Variants in RBM27 observed in about 807,000 individuals in gnomAD.
RBM27 encodes RNA binding motif protein 27.
A neutral mutation model predicts 135.3 loss-of-function variants in RBM27; 22 were observed. That is an observed-to-expected ratio of 0.16 (90% CI 0.12 to 0.23). RBM27 has a LOEUF of 0.23. Ranked by LOEUF, RBM27 falls within the 10% of genes least tolerant of loss-of-function variation. The pLI is 1.00. For missense variants in RBM27, 1,009 were observed against 1,281.0 expected (o/e 0.79, Z 3.24); for synonymous variants, 481 against 442.4 (o/e 1.09, Z -1.10).
intron 7 of RBM27, 133 bp from the exon 8 acceptor site, chr5:146,237,165 C>T: frequency 2.0e-6 from 2 of 1,007,768 alleles, no homozygotes; most frequent in Non-Finnish European, 1.5e-6. Context: ...TCTCGAACTC[C>T]TGACCTCAGG....
At chr5:146,261,449 G>A in intron 12 of RBM27, 61 bp from the exon 13 acceptor site, 2 of 1,384,060 alleles carry the variant, frequency 1.4e-6, no homozygotes, top group East Asian at 2.3e-5. Context: ...ATAGCAGTGG[G>A]TCATAATTTA....
rs748546508 is a variant in RBM27 at position 146,251,693 on chromosome 5, C to G, written c.1280-18C>G. 1 of 1,589,840 alleles carries G rather than the reference C, an allele frequency of 6.3e-7. No homozygotes were observed. The highest frequency in any genetic ancestry group is 2.2e-5 in the East Asian group (1 of 44,566). ...GTGACTCTCATTCCCAGCTGCCCTC[C>G]TATTCTTTCCTCTATAGGACAGCCC... On this transcript the variant is annotated intron_variant, in intron 8 of 20. Coordinates refer to ENST00000265271, the MANE Select transcript of RBM27 (RefSeq NM_018989.2).
intron 6 of RBM27, among the ~76,000 whole-genome samples, chr5:146,232,722 C>G (rs1304855590): frequency 2.0e-5 from 3 of 152,154 alleles, no homozygotes; most frequent in African/African-American, 7.2e-5. Context: ...GCGCGTGCCA[C>G]CACGCCCAGC....
intron 1 of RBM27, among the ~76,000 whole-genome samples, chr5:146,216,119 C>T (rs910322929): frequency 1.3e-5 from 2 of 151,964 alleles, no homozygotes; most frequent in African/African-American, 4.8e-5. Context: ...TGCAGTGGCA[C>T]AATCTCGGCT....
rs1370744111 is a variant in RBM27 at position 146,287,815 on chromosome 5, T to C, written c.*1785T>C. The C allele has an allele frequency of 1.3e-5, 2 of 152,116 alleles. No individual in the cohort carries two copies. Among genetic ancestry groups the C allele is most frequent in the Non-Finnish European group, 2.9e-5 (2 of 67,992 alleles). 9.4% of individuals were successfully genotyped at this position (152,116 alleles called of 1,614,324 possible). On this transcript the variant is annotated 3_prime_UTR_variant, in exon 21 of 21. Transcript: ENST00000265271. ...TAGTAACACTGAAGGTAAAATAAGCTTATAAAAGAAGGAAAACATCAGAAT... is the reference window on the plus strand; with the variant it reads ...TAGTAACACTGAAGGTAAAATAAGCCTATAAAAGAAGGAAAACATCAGAAT...
Position 146,230,874 on chromosome 5 carries a change from T to C in RBM27, c.807T>C (p.Phe269=). 1 of 1,614,206 alleles carries C rather than the reference T, an allele frequency of 6.2e-7. No homozygotes were observed. The highest frequency in any genetic ancestry group is 8.5e-7 in the Non-Finnish European group (1 of 1,180,026). ...YYNNHSSSNS[F]GRNLPPKRRC... ...ACAATCATAGCTCTTCCAATTCTTTTGGTCGAAACCTACCACCAAAGAGGC... is the reference window on the plus strand; with the variant it reads ...ACAATCATAGCTCTTCCAATTCTTTCGGTCGAAACCTACCACCAAAGAGGC... Residue 269 remains phenylalanine (F), a synonymous_variant, in exon 6 of 21, where the codon TTT becomes TTC. Transcript: ENST00000265271.
chr5:146,218,983 A>G lies in RBM27; in HGVS notation c.60-2A>G. ...ATTTTTGTTTTCTCTTTGTCTAACT[A>G]GATGTGATGCTGATCCTTCAGCCTT... On this transcript the variant is annotated splice_acceptor_variant, in intron 1 of 20. Coordinates refer to ENST00000265271, the MANE Select transcript of RBM27 (RefSeq NM_018989.2). LOFTEE classifies it high-confidence loss of function. The G allele has an allele frequency of 6.3e-7, 1 of 1,582,390 alleles. No individual in the cohort carries two copies. Among genetic ancestry groups the G allele is most frequent in the South Asian group, 1.2e-5 (1 of 86,522 alleles).
At chr5:146,233,389 G>T in intron 6 of RBM27, 61 bp from the exon 7 acceptor site, 1 of 1,477,742 alleles carries the variant, frequency 6.8e-7, no homozygotes, top group Admixed American at 2.6e-5. Context: ...GACATGTTTT[G>T]TTGTTTTCTG....
intron 15 of RBM27, among the ~76,000 whole-genome samples, 181 bp from the exon 16 acceptor site, chr5:146,269,026 G>A (rs574626703): frequency 6.6e-6 from 1 of 152,236 alleles, no homozygotes; most frequent in South Asian, 2.1e-4. Flanking sequence ...TATTTTTTAA[G>A]TACAGTTGTA....
chr5:146,270,999 C>T lies in RBM27; in HGVS notation c.2737C>T (p.Leu913=), dbSNP rs751245661. The T allele has an allele frequency of 5.0e-6, 8 of 1,613,476 alleles. No homozygotes were observed. The South Asian group carries it at 8.8e-5, about 18-fold the overall frequency. Residue 913 remains leucine, a synonymous_variant, in exon 18 of 21, where the codon CTG becomes TTG. Transcript: ENST00000265271. ...LDTELDLHKR[L]SSGEDTTELR... ...TACTGAACTGGACCTCCACAAGAGGCTGTCCTCAGGAGAAGACACCACAGA... is the reference window on the plus strand; with the variant it reads ...TACTGAACTGGACCTCCACAAGAGGTTGTCCTCAGGAGAAGACACCACAGA...
chr5:146,265,657 A>T (rs986026175), intron 14 of RBM27, among the ~76,000 whole-genome samples: 14 of 152,232 alleles, frequency 9.2e-5, no homozygotes, highest in Non-Finnish European at 1.5e-5. Context: ...CAGTGATTTG[A>T]TGATGTATTC....
chr5:146,246,237 A>T (rs1229874038), intron 8 of RBM27, among the ~76,000 whole-genome samples: 1 of 152,078 alleles, frequency 6.6e-6, no homozygotes, highest in Admixed American at 6.6e-5. Flanking sequence ...AAAACTTAAA[A>T]TTTTTTTCCT....
chr5:146,278,636 C>G (rs1271209477), intron 19 of RBM27, among the ~76,000 whole-genome samples: 2 of 151,890 alleles, frequency 1.3e-5, no homozygotes, highest in Non-Finnish European at 2.9e-5. Flanking sequence ...TTGCTTCATT[C>G]TTTTTAATGA....
At chr5:146,234,016 T>C (rs981668530) in intron 7 of RBM27, among the ~76,000 whole-genome samples, 11 of 152,088 alleles carry the variant, frequency 7.2e-5, no homozygotes, top group Non-Finnish European at 1.5e-5. Context: ...AAGCCAGTAT[T>C]TATTTATTTA....
intron 19 of RBM27, among the ~76,000 whole-genome samples, chr5:146,276,221 G>T (rs1759087201): frequency 6.7e-6 from 1 of 149,944 alleles, no homozygotes; most frequent in Non-Finnish European, 1.5e-5. Flanking sequence ...TTTTTGTTAC[G>T]GATTTATACC....
At chr5:146,241,460 A>C (rs1206056826) in intron 8 of RBM27, among the ~76,000 whole-genome samples, 1 of 152,126 alleles carries the variant, frequency 6.6e-6, no homozygotes, top group African/African-American at 2.4e-5. Context: ...TATATGAGTA[A>C]AGGCCTTTTA....
intron 7 of RBM27, among the ~76,000 whole-genome samples, chr5:146,234,312 A>ATAG (rs1319614483): frequency 6.6e-6 from 1 of 152,220 alleles, no homozygotes; most frequent in Non-Finnish European, 1.5e-5. Flanking sequence ...TAGAAGTAGA[A>ATAG]TAGTATGTGT....
At chr5:146,220,407 A>AG (rs1561527712) in intron 2 of RBM27, among the ~76,000 whole-genome samples, 1 of 150,984 alleles carries the variant, frequency 6.6e-6, no homozygotes, top group African/African-American at 2.4e-5. Context: ...CCCAGGAGGC[A>AG]GAGGTTGCAG....
chr5:146,271,702 C>T, intron 19 of RBM27, 28 bp downstream of exon 19: 3 of 1,561,734 alleles, frequency 1.9e-6, no homozygotes, highest in Non-Finnish European at 2.6e-6. Context: ...CAAATGCTAA[C>T]TGTAAAAACA....
Sources: allele counts gnomAD v4.1 joint callset (sites outside exome capture counted in the v4.1 genomes callset), GRCh38; gene constraint gnomAD v4.1.1; transcripts MANE v1.5; gene names NCBI Gene and HGNC (gene_info 2026-07-23, HGNC 2026-07-21).